The following CTNNA3 variants were observed in gnomAD, a reference collection of about 807,000 sequenced individuals.
CTNNA3 encodes catenin alpha-3.
A neutral mutation model predicts 95.7 loss-of-function variants in CTNNA3; 76 were observed. That is an observed-to-expected ratio of 0.79 (90% CI 0.66 to 0.96). CTNNA3 has a LOEUF of 0.96. Among genes scored for constraint, CTNNA3 ranks in the 40% least tolerant of loss-of-function variants. The pLI, the probability that CTNNA3 is intolerant of heterozygous loss-of-function variation, is 0.00. For missense variants in CTNNA3, 1,191 were observed against 1,089.8 expected (o/e 1.09, Z -1.31); for synonymous variants, 431 against 374.4 (o/e 1.15, Z -1.74).
chr10:66,505,133 C>T (rs72791594), intron 11 of CTNNA3, among the ~76,000 whole-genome samples: 23,191 of 152,040 alleles, frequency 0.15, 1,848 homozygotes, highest in Middle Eastern at 0.17. Context: ...AGTCATAATA[C>T]TCAAAGAACA....
At chr10:67,048,594 G>T (rs1313382668) in intron 7 of CTNNA3, among the ~76,000 whole-genome samples, 1 of 151,942 alleles carries the variant, frequency 6.6e-6, no homozygotes, top group Non-Finnish European at 1.5e-5. Flanking sequence ...AACACTCAAA[G>T]AATGAAAATC....
chr10:67,739,400 A>G (rs1841321954), intron 1 of CTNNA3, among the ~76,000 whole-genome samples: 1 of 152,188 alleles, frequency 6.6e-6, no homozygotes, highest in Non-Finnish European at 1.5e-5. Flanking sequence ...TTGTATATCT[A>G]GAAAACCCCA....
intron 7 of CTNNA3, among the ~76,000 whole-genome samples, chr10:66,965,904 C>T (rs1849387248): frequency 6.6e-6 from 1 of 152,138 alleles, no homozygotes; most frequent in Non-Finnish European, 1.5e-5. Context: ...AATCCATCCT[C>T]CTTGGCAATT....
At chr10:67,544,693 C>G (rs1318276883) in intron 3 of CTNNA3, among the ~76,000 whole-genome samples, 2 of 152,170 alleles carry the variant, frequency 1.3e-5, no homozygotes, top group African/African-American at 4.8e-5. Context: ...GCCACTCACA[C>G]AGGACTGGGA....
chr10:67,245,635 G>A (rs1265578804), intron 5 of CTNNA3, among the ~76,000 whole-genome samples: 6 of 152,142 alleles, frequency 3.9e-5, no homozygotes, highest in Non-Finnish European at 7.4e-5. Flanking sequence ...CGAGGCGGGC[G>A]GATCACGAAG....
chr10:66,906,846 G>T (rs1846008113), intron 7 of CTNNA3, among the ~76,000 whole-genome samples: 2 of 151,912 alleles, frequency 1.3e-5, no homozygotes. Context: ...ATGAGGGTGG[G>T]GTATAACTGG....
intron 13 of CTNNA3, among the ~76,000 whole-genome samples, chr10:66,200,905 T>TC (rs1343119220): frequency 1.3e-5 from 2 of 152,312 alleles, no homozygotes; most frequent in African/African-American, 4.8e-5. Context: ...CAGCCTATCT[T>TC]CTCATGACCC....
chr10:66,964,168 A>C (rs1428918288), intron 7 of CTNNA3, among the ~76,000 whole-genome samples: 2 of 152,040 alleles, frequency 1.3e-5, no homozygotes, highest in Non-Finnish European at 2.9e-5. Flanking sequence ...ATTTCTGTCC[A>C]CAGTAACATC....
chr10:67,674,798 A>G (rs1203829342), intron 1 of CTNNA3, among the ~76,000 whole-genome samples: 4 of 150,422 alleles, frequency 2.7e-5, no homozygotes, highest in Non-Finnish European at 6.0e-5. Context: ...TTGCCTGTTC[A>G]TTTCCTTACT....
chr10:67,188,220 GCA>G (rs998586017), intron 6 of CTNNA3, among the ~76,000 whole-genome samples: 12 of 152,368 alleles, frequency 7.9e-5, no homozygotes, highest in Admixed American at 7.8e-4. Flanking sequence ...GTAGGGCTAA[GCA>G]CAGTGGCTCA....
intron 12 of CTNNA3, among the ~76,000 whole-genome samples, chr10:66,314,992 C>A (rs1269841247): frequency 6.6e-6 from 1 of 151,988 alleles, no homozygotes; most frequent in Non-Finnish European, 1.5e-5. Context: ...GTTACTTTTT[C>A]ACTTTTTCAT....
At chr10:66,651,562 G>T (rs189380086) in intron 9 of CTNNA3, among the ~76,000 whole-genome samples, 1 of 152,284 alleles carries the variant, frequency 6.6e-6, no homozygotes, top group African/African-American at 2.4e-5. Context: ...GGGGGGTTGG[G>T]GGGCAGTGCT....
intron 7 of CTNNA3, among the ~76,000 whole-genome samples, chr10:67,179,984 CCT>C (rs750402992): frequency 2.0e-5 from 3 of 152,042 alleles, no homozygotes; most frequent in Non-Finnish European, 4.4e-5. Context: ...GCAATCTGCC[CCT>C]CTCTTTATCT....
chr10:66,202,392 C>T (rs1460810727), intron 13 of CTNNA3, among the ~76,000 whole-genome samples: 1 of 152,200 alleles, frequency 6.6e-6, no homozygotes, highest in Non-Finnish European at 1.5e-5. Flanking sequence ...AAGGCAAATG[C>T]CAAGGTACAA....
intron 5 of CTNNA3, among the ~76,000 whole-genome samples, chr10:67,271,054 CTG>C (rs1417167977): frequency 6.6e-6 from 1 of 152,098 alleles, no homozygotes; most frequent in Non-Finnish European, 1.5e-5. Context: ...TATAAAAATG[CTG>C]TGATAGGAAT....
chr10:67,019,157 A>C lies in CTNNA3; in HGVS notation c.1047+161160T>G, dbSNP rs543447664. The stretch of plus-strand genomic sequence containing the variant: ...TACAACAGGATATCAATACTACCTC[A>C]TAAATATGGGTTACTTCACATTTGA... On this transcript the variant is annotated intron_variant, in intron 7 of 17. Transcript: ENST00000433211. 3.9e-5 allele frequency among the ~76,000 whole-genome samples: 6 copies of C among 152,352 alleles called. No individual in the cohort carries two copies. In the South Asian group the frequency reaches 1.2e-3, roughly 32 times the overall value.
At chr10:67,297,055 G>C (rs1360706684) in intron 5 of CTNNA3, among the ~76,000 whole-genome samples, 1 of 148,508 alleles carries the variant, frequency 6.7e-6, no homozygotes, top group East Asian at 2.1e-4. Flanking sequence ...CCATATTGTT[G>C]AGCTTTGTAT....
intron 1 of CTNNA3, among the ~76,000 whole-genome samples, chr10:67,677,039 A>T (rs1241333665): frequency 1.3e-5 from 2 of 152,174 alleles, no homozygotes; most frequent in Non-Finnish European, 2.9e-5. Context: ...GAAAGAGTCC[A>T]GGTTTTCAGT....
At chr10:66,872,433 C>T (rs1417456325) in intron 7 of CTNNA3, among the ~76,000 whole-genome samples, 1 of 152,020 alleles carries the variant, frequency 6.6e-6, no homozygotes, top group Non-Finnish European at 1.5e-5. Flanking sequence ...TTTTGGGAGG[C>T]CGAGGCAGGT....
Sources: allele counts gnomAD v4.1 joint callset (sites outside exome capture counted in the v4.1 genomes callset), GRCh38; gene constraint gnomAD v4.1.1; transcripts MANE v1.5; gene names NCBI Gene and HGNC (gene_info 2026-07-23, HGNC 2026-07-21).